The following SCN7A variants were observed in gnomAD, a reference collection of about 807,000 sequenced individuals.
SCN7A encodes the protein sodium voltage-gated channel alpha subunit 7, also known as sodium channel protein type 7 subunit alpha.
Under a neutral mutation model 155.2 loss-of-function variants are expected in SCN7A, and 138 were observed. The ratio of observed to expected loss-of-function variants is 0.89; its 90% CI spans 0.77 to 1.02. SCN7A has a LOEUF of 1.02. Among genes scored for constraint, SCN7A ranks in the 50% least tolerant of loss-of-function variants. SCN7A has a pLI of 0.00. For synonymous variants in SCN7A, 693 were observed against 649.0 expected (o/e 1.07, Z -1.03); for missense variants, 2,058 against 1,986.6 (o/e 1.04, Z -0.68).
In SCN7A at chr2:166,429,340, T is replaced by A; in HGVS notation, c.2593-66A>T. 4 of 978,962 alleles carry A rather than the reference T, an allele frequency of 4.1e-6. No individual in the cohort carries two copies. In the South Asian group the frequency reaches 6.4e-5, roughly 16 times the overall value. The allele number at this position is 978,962 out of a possible 1,614,324, so 60.6% of individuals were successfully genotyped here. ...TTCATTTACCCATGGTGGCCAAAGT[T>A]TATTTCATTTTCAGAAGTAAGAAAA... is the stretch of plus-strand genomic sequence containing the variant. On this transcript the variant is annotated intron_variant, in intron 16 of 25. Transcript: ENST00000643258.
intron 23 of SCN7A, among the ~76,000 whole-genome samples, chr2:166,410,807 C>T (rs1701186079): frequency 6.6e-6 from 1 of 151,906 alleles, no homozygotes; most frequent in Non-Finnish European, 1.5e-5. Context: ...ATTCCAAAAG[C>T]ACCTTGCGCT....
At position 166,403,742 on chromosome 2, in the gene SCN7A, C is replaced by T. The variant is rs142211260; in HGVS notation, c.*1838G>A. 1.4e-4 allele frequency: 21 copies of T among 152,034 alleles called. No individual in the cohort carries two copies. The East Asian group carries it at 3.7e-3, about 27-fold the overall frequency. 9.4% of individuals were successfully genotyped at this position (152,034 alleles called of 1,614,324 possible). A position where few individuals can be genotyped will look rare whatever the true frequency, so the allele number is the denominator to read the frequency against. On this transcript the variant is annotated 3_prime_UTR_variant, in exon 26 of 26. Coordinates refer to ENST00000643258, the MANE Select transcript of SCN7A (RefSeq NM_002976.4). ...AACTAAAATCAGTTTGTTGTCTTTA[C>T]GCAATTTACAGAAGCAAGTTATGAT...
intron 7 of SCN7A, among the ~76,000 whole-genome samples, chr2:166,467,034 G>C (rs1417063091): frequency 6.6e-6 from 1 of 151,652 alleles, no homozygotes; most frequent in African/African-American, 2.4e-5. Context: ...TCTATTTATA[G>C]CCTCCTTTTA....
Position 166,462,377 on chromosome 2 carries a change from C to T in SCN7A, c.1083+12G>A. The T allele has an allele frequency of 1.3e-6, 2 of 1,577,358 alleles. No individual in the cohort carries two copies. The highest frequency in any genetic ancestry group is 1.3e-5 in the African/African-American group (1 of 74,344). ...CATTCCTAAGTACAGTACAATTTCT[C>T]TCTGTTCTTACCTGGTGATAAAGTA... On this transcript the variant is annotated intron_variant, in intron 10 of 25. Coordinates refer to ENST00000643258, the MANE Select transcript of SCN7A (RefSeq NM_002976.4).
intron 4 of SCN7A, 89 bp downstream of exon 4, chr2:166,474,137 G>T: frequency 1.6e-6 from 1 of 621,970 alleles, no homozygotes; most frequent in Non-Finnish European, 2.6e-6. Context: ...ATTGAAAAGA[G>T]AAAAATACTG....
intron 17 of SCN7A, 120 bp downstream of exon 17, chr2:166,429,048 GA>G (rs1701679429): frequency 1.7e-6 from 1 of 571,530 alleles, no homozygotes; most frequent in African/African-American, 2.0e-5. Flanking sequence ...CATTTAACAT[GA>G]ATATTAAGAA....
chr2:166,445,224 G>A (rs1702037652), intron 12 of SCN7A, among the ~76,000 whole-genome samples: 1 of 152,020 alleles, frequency 6.6e-6, no homozygotes, highest in African/African-American at 2.4e-5. Context: ...GCCGAGGGAG[G>A]AGAATTGCTT....
In SCN7A at chr2:166,485,233, G is replaced by A. The variant is rs1238108134; in HGVS notation, c.-15+1623C>T. 3.9e-5 allele frequency among the ~76,000 whole-genome samples: 6 copies of A among 152,038 alleles called. No homozygotes were observed. The East Asian group carries it at 1.2e-3, about 29-fold the overall frequency. The stretch of plus-strand genomic sequence containing the variant: ...TCTCTCAAAATGATTAGTTTCAAGA[G>A]GAACAGAGATTGGAATTAAAATCAT... On this transcript the variant is annotated intron_variant, in intron 2 of 25. Transcript: ENST00000643258.
chr2:166,435,622 A>T (rs1160339941), intron 15 of SCN7A, among the ~76,000 whole-genome samples: 2 of 152,156 alleles, frequency 1.3e-5, no homozygotes, highest in East Asian at 3.9e-4. Context: ...ATAAACAGGT[A>T]TGAAGGAATT....
intron 7 of SCN7A, among the ~76,000 whole-genome samples, chr2:166,467,537 T>G (rs1702563469): frequency 6.6e-6 from 1 of 150,802 alleles, no homozygotes; most frequent in Non-Finnish European, 1.5e-5. Flanking sequence ...ATAGATAATT[T>G]CCATCATATA....
At chr2:166,461,059 T>C (rs1214240974) in intron 10 of SCN7A, among the ~76,000 whole-genome samples, 4 of 149,018 alleles carry the variant, frequency 2.7e-5, no homozygotes, top group African/African-American at 4.9e-5. Context: ...TTTTTTTTTT[T>C]TTTTTTTTTT....
At chr2:166,425,108 C>A (rs1352227760) in intron 18 of SCN7A, among the ~76,000 whole-genome samples, 1 of 152,054 alleles carries the variant, frequency 6.6e-6, no homozygotes, top group Non-Finnish European at 1.5e-5. Context: ...TGAAATTGCG[C>A]GGTGCAGTCT....
chr2:166,456,543 G>A (rs571873436), intron 11 of SCN7A, among the ~76,000 whole-genome samples: 8 of 151,938 alleles, frequency 5.3e-5, no homozygotes, highest in African/African-American at 1.9e-4. Context: ...TGCAAAAATG[G>A]CCACAAATTT....
rs143491867 is a variant in SCN7A, at chr2:166,443,618, T to C, written c.1685A>G (p.Tyr562Cys). ...GTTCCAACCTACTTGGAAATACCCATATGGATGCATTGCAATTATTTTAAA... is the reference window on the plus strand; with the variant it reads ...GTTCCAACCTACTTGGAAATACCCACATGGATGCATTGCAATTATTTTAAA... ...MIFKIIAMHPYGYFQVGWNIF... is the reference protein window; with the variant it reads ...MIFKIIAMHPCGYFQVGWNIF... Residue 562 changes from tyrosine to cysteine, a missense_variant, in exon 14 of 26, where the codon TAT (tyrosine) becomes TGT (cysteine). Coordinates refer to ENST00000643258, the MANE Select transcript of SCN7A (RefSeq NM_002976.4). 3,684 of 1,571,524 alleles carry C rather than the reference T, an allele frequency of 2.3e-3. 63 individuals carry two copies. In the Admixed American group the frequency reaches 0.038, roughly 16 times the overall value.
At position 166,416,702 on chromosome 2, in the gene SCN7A, CT is replaced by C. The variant is rs773230295; in HGVS notation, c.3414+4del. ...TTAATAAGGAAAAGTCAAAAGTGTA[CT>C]TACTACTTGAAGCAGAGAAAGGAAA... On this transcript the variant is annotated splice_donor_region_variant and intron_variant, in intron 21 of 25. Coordinates refer to ENST00000643258, the MANE Select transcript of SCN7A (RefSeq NM_002976.4). 6.3e-7 allele frequency: 1 copy of C among 1,595,398 alleles called. No homozygotes were observed. The highest frequency in any genetic ancestry group is 2.3e-5 in the East Asian group (1 of 44,198).
chr2:166,427,705 T>A, intron 18 of SCN7A, 83 bp downstream of exon 18: 1 of 1,255,292 alleles, frequency 8.0e-7, no homozygotes, highest in Non-Finnish European at 1.1e-6. Flanking sequence ...GGAAATGTAA[T>A]CCTGGTTTTG....
chr2:166,475,078 G>GTGTATATATATATATATGTATATA (rs1559125022), intron 3 of SCN7A, among the ~76,000 whole-genome samples: 2 of 91,240 alleles, frequency 2.2e-5, no homozygotes, highest in African/African-American at 7.8e-5. Flanking sequence ...TTTTATATTT[G>GTGTATATATATATATATGTATATA]TGTATATATA....
In SCN7A at chr2:166,490,592, C is replaced by T. The variant is rs575244397; in HGVS notation, c.-128+3376G>A. On this transcript the variant is annotated intron_variant, in intron 1 of 25. Transcript: ENST00000643258. ...TATATATACACAATGGAACGCTATT[C>T]GGACTTTTAAAAAAGGAGGCTGTCA... 5.9e-5 allele frequency among the ~76,000 whole-genome samples: 9 copies of T among 152,134 alleles called. No individual in the cohort carries two copies. In the South Asian group the frequency reaches 1.0e-3, roughly 18 times the overall value.
chr2:166,473,925 T>C (rs1027582162), intron 4 of SCN7A, 37 bp from the exon 5 acceptor site: 3 of 1,114,738 alleles, frequency 2.7e-6, no homozygotes, highest in Non-Finnish European at 4.0e-6. Context: ...TAATAAATAA[T>C]ATTGGAAAAG....
Sources: gnomAD v4.1 joint callset for allele counts (sites outside exome capture counted in the v4.1 genomes callset) on GRCh38, gnomAD v4.1.1 for gene constraint, MANE v1.5 for transcripts, NCBI Gene and HGNC (gene_info 2026-07-23, HGNC 2026-07-21) for gene names.